The following PLA1A variants were observed in gnomAD, a reference collection of about 807,000 sequenced individuals.
PLA1A encodes the protein phosphatidylserine-specific phospholipase A1alpha.
PLA1A carries 47 observed loss-of-function variants against 49.4 expected under a neutral mutation model. The ratio of observed to expected loss-of-function variants is 0.95; its 90% CI spans 0.75 to 1.21. The LOEUF (loss-of-function observed/expected upper bound fraction) is 1.21. Among genes scored for constraint, PLA1A ranks in the 50% most tolerant of loss-of-function variants. The pLI is 0.00. For synonymous variants in PLA1A, 224 were observed against 207.9 expected, an observed-to-expected ratio of 1.08 and a Z score of -0.67; for missense variants, 561 against 563.9, an observed-to-expected ratio of 0.99 and a Z score of 0.05.
rs377051036 is a variant in PLA1A at position 119,606,751 on chromosome 3, T to G, written c.74-23T>G. 3.2e-6 allele frequency: 5 copies of G among 1,584,910 alleles called. No homozygotes were observed. In the East Asian group the frequency reaches 1.1e-4, roughly 35 times the overall value. ...AGATGACCTCACCTTGGATGTTGCT[T>G]GTTTTGTTTTGTTTTCCTCCAGGGG... On this transcript the variant is annotated intron_variant, in intron 1 of 10. Coordinates refer to ENST00000273371, the MANE Select transcript of PLA1A (RefSeq NM_015900.4).
chr3:119,602,712 T>C (rs1426405369), intron 1 of PLA1A, among the ~76,000 whole-genome samples: 2 of 152,166 alleles, frequency 1.3e-5, no homozygotes, highest in African/African-American at 4.8e-5. Context: ...TGACCACTAA[T>C]AGAAAATAAG....
Position 119,619,627 on chromosome 3 carries a change from G to T in PLA1A, c.987G>T (p.Leu329=). 1 of 1,612,624 alleles carries T rather than the reference G, an allele frequency of 6.2e-7. No individual in the cohort carries two copies. The highest frequency in any genetic ancestry group is 1.1e-5 in the South Asian group (1 of 91,044). The stretch of plus-strand genomic sequence containing the variant: ...CCAAGGAAGTGAAAGTCTACCTCCT[G>T]ACTACTTCCAGTGCTCCGTACTGCA... ...PLPKEVKVYL[L]TTSSAPYCMH... Residue 329 remains leucine, a synonymous_variant, in exon 8 of 11, where the codon CTG becomes CTT. Coordinates refer to ENST00000273371, the MANE Select transcript of PLA1A (RefSeq NM_015900.4).
chr3:119,600,375 G>T (rs2082601879), intron 1 of PLA1A: 1 of 703,004 alleles, frequency 1.4e-6, no homozygotes, highest in Non-Finnish European at 2.6e-6. Context: ...CTCTCCTCCA[G>T]GTGGATGCAC....
At position 119,628,764 on chromosome 3, in the gene PLA1A, C is replaced by G. The variant is rs56163046; in HGVS notation, c.1185C>G (p.Asn395Lys). The change falls in exon 10 of 11, where the codon AAC becomes AAG. Residue 395 changes from asparagine (N) to lysine (K), a missense_variant. Physicochemically the swap from Asn to Lys is moderately conservative, Grantham distance 94 (BLOSUM62 0). Transcript: ENST00000273371. Reference sequence around the variant, plus strand: ...ATGCCACCCCACAATGCCAGATAAACCAAGTGAAATTCAAGTTTCAGTCTT... The same window carrying G: ...ATGCCACCCCACAATGCCAGATAAAGCAAGTGAAATTCAAGTTTCAGTCTT... Reference protein sequence around the residue: ...IAHATPQCQINQVKFKFQSSN... With the variant: ...IAHATPQCQIKQVKFKFQSSN... 6.2e-7 allele frequency: 1 copy of G among 1,613,788 alleles called. No individual in the cohort carries two copies. Among genetic ancestry groups the G allele is most frequent in the African/African-American group, 1.3e-5 (1 of 74,884 alleles).
chr3:119,600,228 A>G, intron 1 of PLA1A: 1 of 586,338 alleles, frequency 1.7e-6, no homozygotes, highest in South Asian at 2.2e-5. Context: ...GCCTCCACTC[A>G]CTTTCCTGGC....
chr3:119,600,254 T>A (rs2082599757), intron 1 of PLA1A: 1 of 621,130 alleles, frequency 1.6e-6, no homozygotes, highest in Middle Eastern at 4.1e-4. Flanking sequence ...ACCCACACAA[T>A]CTTTCATGAC....
At position 119,600,348 on chromosome 3, in the gene PLA1A, A is replaced by G. The variant is rs1483486755; in HGVS notation, c.73+2362A>G. ...TGATCAACCTGGCCCTTGAGCTTCC[A>G]GGCTGGCTCAGGCGTCCTCTCCTCC... On this transcript the variant is annotated intron_variant, in intron 1 of 10. Transcript: ENST00000273371. 5.7e-6 allele frequency: 4 copies of G among 702,474 alleles called. No individual in the cohort carries two copies. In the African/African-American group the frequency reaches 7.0e-5, roughly 12 times the overall value. 43.5% of individuals were successfully genotyped at this position (702,474 alleles called of 1,614,324 possible).
rs367924819 is a variant in PLA1A at position 119,616,053 on chromosome 3, G to C, written c.706G>C (p.Val236Leu). 1 of 1,613,518 alleles carries C rather than the reference G, an allele frequency of 6.2e-7. No individual in the cohort carries two copies. ...RIPVGHVDYF[V>L]NGGQDQPGCP... ...TCCCGTTGGACATGTGGACTACTTC[G>C]TCAACGGAGGCCAAGACCAACCTGG... The change falls in exon 6 of 11, where the codon GTC becomes CTC. Residue 236 changes from valine (V) to leucine (L), a missense_variant. Physicochemically the swap from Val to Leu is conservative, Grantham distance 32 (BLOSUM62 1). Transcript: ENST00000273371.
chr3:119,599,973 CGT>C (rs141896264), intron 1 of PLA1A, among the ~76,000 whole-genome samples: 3,565 of 148,886 alleles, frequency 0.024, 128 homozygotes, highest in African/African-American at 0.081. Context: ...AGTGTGTGTG[CGT>C]GTGTGTGTGT....
At chr3:119,602,879 G>A (rs780521215) in intron 1 of PLA1A, among the ~76,000 whole-genome samples, 1 of 152,104 alleles carries the variant, frequency 6.6e-6, no homozygotes, top group Non-Finnish European at 1.5e-5. Flanking sequence ...CACTTGACAA[G>A]CAAAGACTTG....
At chr3:119,616,190 A>T (rs1384749237) in intron 6 of PLA1A, 89 bp downstream of exon 6, 1 of 782,444 alleles carries the variant, frequency 1.3e-6, no homozygotes, top group Non-Finnish European at 2.3e-6. Context: ...AGAGTGGGCC[A>T]TAGAGGGTCT....
rs1165492184 is a variant in PLA1A at position 119,629,541 on chromosome 3, T to C, written c.*73T>C. The C allele has an allele frequency of 3.7e-6, 3 of 813,820 alleles. No homozygotes were observed. The highest frequency in any genetic ancestry group is 6.5e-6 in the Non-Finnish European group (3 of 460,236). 50.4% of individuals were successfully genotyped at this position (813,820 alleles called of 1,614,324 possible). A position where few individuals can be genotyped will look rare whatever the true frequency, so the allele number is the denominator to read the frequency against. On this transcript the variant is annotated 3_prime_UTR_variant, in exon 11 of 11. Coordinates refer to ENST00000273371, the MANE Select transcript of PLA1A (RefSeq NM_015900.4). ...AGAGAGAGGTGTGATGAGGGATGTGTGTGTGCAGCTTATTGTAGACCATTA... is the reference window on the plus strand; with the variant it reads ...AGAGAGAGGTGTGATGAGGGATGTGCGTGTGCAGCTTATTGTAGACCATTA...
At chr3:119,617,941 T>C in intron 6 of PLA1A, 78 bp from the exon 7 acceptor site, 1 of 1,155,274 alleles carries the variant, frequency 8.7e-7, no homozygotes, top group Non-Finnish European at 1.2e-6. Flanking sequence ...GAATATAAAA[T>C]TCAATAGAGT....
At position 119,597,912 on chromosome 3, in the gene PLA1A, C is replaced by T. The variant is rs995845743; in HGVS notation, c.-2C>T. On this transcript the variant is annotated 5_prime_UTR_variant, in exon 1 of 11. Transcript: ENST00000273371. ...ACCAGCTCTGAGATTTCCAGCTCAG[C>T]GATGCCCCCAGGTCCCTGGGAGAGC... 22 of 1,601,678 alleles carry T rather than the reference C, an allele frequency of 1.4e-5. No individual in the cohort carries two copies. Among genetic ancestry groups the T allele is most frequent in the Non-Finnish European group, 1.6e-5 (19 of 1,172,138 alleles).
intron 5 of PLA1A, among the ~76,000 whole-genome samples, chr3:119,615,256 A>G (rs1175528297): frequency 1.3e-5 from 2 of 152,216 alleles, no homozygotes; most frequent in Admixed American, 1.3e-4. Flanking sequence ...GGTCACAGGG[A>G]CAGAAAGAGG....
chr3:119,608,246 A>AAGAG (rs1560078842), intron 2 of PLA1A, among the ~76,000 whole-genome samples: 1 of 43,718 alleles, frequency 2.3e-5, no homozygotes, highest in East Asian at 3.8e-4. Flanking sequence ...GAAAGAGAGA[A>AAGAG]AGAAAGAAAG....
At chr3:119,620,834 A>C (rs1185154518) in intron 8 of PLA1A, among the ~76,000 whole-genome samples, 2 of 152,174 alleles carry the variant, frequency 1.3e-5, no homozygotes, top group Non-Finnish European at 2.9e-5. Flanking sequence ...TCAACAACCC[A>C]ACTGGGAGAC....
chr3:119,608,560 T>C (rs192181964), intron 2 of PLA1A, among the ~76,000 whole-genome samples: 229 of 152,346 alleles, frequency 1.5e-3, no homozygotes, highest in Non-Finnish European at 2.6e-3. Context: ...TTTTATAATT[T>C]ACACAAAGAC....
chr3:119,614,400 G>A (rs770495691), intron 5 of PLA1A, among the ~76,000 whole-genome samples: 8 of 151,982 alleles, frequency 5.3e-5, no homozygotes, highest in Middle Eastern at 3.2e-3. Context: ...TCAGGAGATC[G>A]AGACCATCTG....
Sources: gnomAD v4.1 joint callset for allele counts (sites outside exome capture counted in the v4.1 genomes callset) on GRCh38, gnomAD v4.1.1 for gene constraint, MANE v1.5 for transcripts, NCBI Gene and HGNC (gene_info 2026-07-23, HGNC 2026-07-21) for gene names.